Variants in KIF18A observed in about 807,000 individuals in gnomAD.
The protein encoded by KIF18A is kinesin family member 18A.
Under a neutral mutation model 103.3 loss-of-function variants are expected in KIF18A, and 67 were observed. The ratio of observed to expected loss-of-function variants is 0.65; its 90% CI spans 0.53 to 0.79. The LOEUF (loss-of-function observed/expected upper bound fraction) is 0.79, where lower values mean the gene tolerates loss of function less well. KIF18A is among the 30% of genes least tolerant of loss of function. The pLI, the probability that KIF18A is intolerant of heterozygous loss-of-function variation, is 0.00. For missense variants in KIF18A, 1,032 were observed against 1,062.5 expected, an observed-to-expected ratio of 0.97 and a Z score of 0.40; for synonymous variants, 367 against 355.5, an observed-to-expected ratio of 1.03 and a Z score of -0.36.
At chr11:28,107,415 T>G (rs1474823681) in intron 1 of KIF18A, among the ~76,000 whole-genome samples, 2 of 151,486 alleles carry the variant, frequency 1.3e-5, no homozygotes, top group African/African-American at 4.9e-5. Context: ...AAGAACAGAC[T>G]ATAGGACTGA....
chr11:28,035,512 C>G lies in KIF18A; in HGVS notation c.2397-18G>C. On this transcript the variant is annotated intron_variant, in intron 14 of 16. Transcript: ENST00000263181. ...GATCAAGCCTGTATATTAATAGTGA[C>G]AAATAAAAAATAATAATTTTGATTT... is the stretch of plus-strand genomic sequence containing the variant. 7.3e-7 allele frequency: 1 copy of G among 1,365,726 alleles called. No homozygotes were observed. Among genetic ancestry groups the G allele is most frequent in the Non-Finnish European group, 9.9e-7 (1 of 1,008,698 alleles). 84.6% of individuals were successfully genotyped at this position (1,365,726 alleles called of 1,614,324 possible). A position where few individuals can be genotyped will look rare whatever the true frequency, so the allele number is the denominator to read the frequency against.
In KIF18A at chr11:28,097,685, TCTGA is replaced by T. The variant is rs747866476; in HGVS notation, c.259_262del (p.Ser87LysfsTer15). 1.8e-5 allele frequency: 29 copies of T among 1,611,744 alleles called. No homozygotes were observed. Among genetic ancestry groups the T allele is most frequent in the Non-Finnish European group, 1.7e-5 (20 of 1,178,488 alleles). ...TGGCTTAGTAGTGTGTTCAAAAACT[TCTGA>T]CTGAGTTGACGTTTCATCAAAAACA... On this transcript the variant is annotated frameshift_variant, in exon 2 of 17. Transcript: ENST00000263181. LOFTEE classifies it high-confidence loss of function.
At chr11:28,099,974 T>C (rs1381991561) in intron 1 of KIF18A, among the ~76,000 whole-genome samples, 1 of 152,116 alleles carries the variant, frequency 6.6e-6, no homozygotes, top group Non-Finnish European at 1.5e-5. Context: ...AATAGGGTAG[T>C]GGCAGCAGAG....
chr11:28,049,574 G>T (rs550119697), intron 13 of KIF18A, among the ~76,000 whole-genome samples: 1 of 152,100 alleles, frequency 6.6e-6, no homozygotes, highest in South Asian at 2.1e-4. Flanking sequence ...TTGATGAATG[G>T]GATTAGATCT....
intron 1 of KIF18A, among the ~76,000 whole-genome samples, chr11:28,099,239 A>C (rs1471176498): frequency 6.6e-6 from 1 of 152,196 alleles, no homozygotes; most frequent in Non-Finnish European, 1.5e-5. Context: ...CCAGGTACAA[A>C]AAGACAAATA....
intron 2 of KIF18A, among the ~76,000 whole-genome samples, chr11:28,097,174 C>T (rs1028624331): frequency 6.6e-6 from 1 of 152,056 alleles, no homozygotes; most frequent in Admixed American, 6.5e-5. Flanking sequence ...TCCTATCCTT[C>T]GCCAACTTAA....
chr11:28,067,102 A>C (rs1850941512), intron 11 of KIF18A, among the ~76,000 whole-genome samples: 1 of 151,962 alleles, frequency 6.6e-6, no homozygotes, highest in Admixed American at 6.6e-5. Flanking sequence ...ATTCAAAACA[A>C]CTACTATATG....
chr11:28,077,157 G>A lies in KIF18A; in HGVS notation c.1275C>T (p.Ile425=). Residue 425 remains isoleucine (I), a synonymous_variant, in exon 10 of 17, where the codon ATC becomes ATT. Coordinates refer to ENST00000263181, the MANE Select transcript of KIF18A (RefSeq NM_031217.4). The part of the protein sequence containing the change: ...QEKEIERFQE[I]LNCLFQNREE... ...CTCGATTCTGGAACAAGCAGTTCAG[G>A]ATTTCTTGAAACCTACCAAAATTAA... is the stretch of plus-strand genomic sequence containing the variant. 1.3e-6 allele frequency: 2 copies of A among 1,568,842 alleles called. No individual in the cohort carries two copies. The highest frequency in any genetic ancestry group is 1.7e-6 in the Non-Finnish European group (2 of 1,166,582).
intron 13 of KIF18A, among the ~76,000 whole-genome samples, chr11:28,038,085 T>C (rs1850517456): frequency 6.6e-6 from 1 of 151,662 alleles, no homozygotes; most frequent in South Asian, 2.1e-4. Context: ...AACATAATTC[T>C]GTTCATGTCA....
chr11:28,029,139 A>G (rs1257928765), intron 15 of KIF18A, among the ~76,000 whole-genome samples: 1 of 152,212 alleles, frequency 6.6e-6, no homozygotes, highest in Non-Finnish European at 1.5e-5. Context: ...AAACTATTTC[A>G]ATCTATAGAA....
intron 15 of KIF18A, 138 bp downstream of exon 15, chr11:28,035,249 A>C (rs1477821952): frequency 2.4e-6 from 1 of 411,476 alleles, no homozygotes; most frequent in Non-Finnish European, 4.3e-6. Context: ...CCAGTACCCC[A>C]TTCAGAGAAA....
Position 28,036,579 on chromosome 11 carries a change from T to C in KIF18A, c.2034A>G (p.Gly678=), listed in dbSNP as rs1398069868. 1 of 1,610,766 alleles carries C rather than the reference T, an allele frequency of 6.2e-7. No homozygotes were observed. The stretch of plus-strand genomic sequence containing the variant: ...ATGGTGGAGACTTTAGAGTATGCTG[T>C]CCTTTCAAGGGAGATGGCATTAGTT... ...RRKLMPSPLK[G]QHTLKSPPSQ... Residue 678 remains glycine, a synonymous_variant, in exon 14 of 17, where the codon GGA becomes GGG. Coordinates refer to ENST00000263181, the MANE Select transcript of KIF18A (RefSeq NM_031217.4).
chr11:28,096,008 C>CAAA (rs752176368), intron 2 of KIF18A, among the ~76,000 whole-genome samples: 2 of 73,756 alleles, frequency 2.7e-5, no homozygotes, highest in African/African-American at 5.7e-5. Context: ...AAGACTTCAT[C>CAAA]AAAAAAAAAA....
At chr11:28,094,893 G>A in intron 2 of KIF18A, 93 bp from the exon 3 acceptor site, 2 of 1,231,226 alleles carry the variant, frequency 1.6e-6, no homozygotes, top group Middle Eastern at 3.8e-4. Flanking sequence ...TGGATATCCT[G>A]AACAGTATCT....
intron 1 of KIF18A, among the ~76,000 whole-genome samples, chr11:28,106,547 T>C (rs1590718439): frequency 9.0e-6 from 1 of 110,630 alleles, no homozygotes; most frequent in African/African-American, 3.6e-5. Flanking sequence ...TTCACAGTTG[T>C]CAGCAAAAAA....
intron 6 of KIF18A, among the ~76,000 whole-genome samples, chr11:28,088,189 C>T (rs149569124): frequency 6.6e-6 from 1 of 151,678 alleles, no homozygotes; most frequent in Non-Finnish European, 1.5e-5. Context: ...TGTCTTCATG[C>T]CAATTTAATT....
intron 10 of KIF18A, among the ~76,000 whole-genome samples, chr11:28,072,611 C>G (rs1407380396): frequency 2.6e-5 from 4 of 152,014 alleles, no homozygotes. Flanking sequence ...CCCAATAACT[C>G]AAGAGTTTTT....
intron 13 of KIF18A, among the ~76,000 whole-genome samples, chr11:28,058,041 T>C (rs1850804628): frequency 6.6e-6 from 1 of 152,196 alleles, no homozygotes. Context: ...GCATTTAATC[T>C]CTGAGATAGG....
At chr11:28,089,468 T>C (rs1851273133) in intron 5 of KIF18A, among the ~76,000 whole-genome samples, 1 of 152,218 alleles carries the variant, frequency 6.6e-6, no homozygotes. Context: ...TCTCATGTAC[T>C]GTACATAATT....
Sources: allele counts gnomAD v4.1 joint callset (sites outside exome capture counted in the v4.1 genomes callset), GRCh38; gene constraint gnomAD v4.1.1; transcripts MANE v1.5; gene names NCBI Gene and HGNC (gene_info 2026-07-23, HGNC 2026-07-21).